ACO1: variants seen among roughly 807,000 people sequenced by gnomAD.
The protein encoded by ACO1 is aconitase 1.
In ACO1, 78 loss-of-function variants were observed where a neutral mutation model predicts 105.1. The observed-to-expected ratio is 0.74, with a 90% CI of 0.62 to 0.90. The LOEUF (loss-of-function observed/expected upper bound fraction) is 0.90, where lower values mean the gene tolerates loss of function less well. Among genes scored for constraint, ACO1 ranks in the 40% least tolerant of loss-of-function variants. ACO1 has a pLI of 0.00. For missense variants in ACO1, 965 were observed against 1,111.1 expected, an observed-to-expected ratio of 0.87 and a Z score of 1.87; for synonymous variants, 364 against 397.4, an observed-to-expected ratio of 0.92 and a Z score of 1.00.
At chr9:32,447,686 CTCCCCATCTTTG>C (rs1303593525) in intron 19 of ACO1, among the ~76,000 whole-genome samples, 1 of 152,206 alleles carries the variant, frequency 6.6e-6, no homozygotes. Context: ...GTGCTGGTTT[CTCCCCATCTTTG>C]TGGATTTATT....
intron 1 of ACO1, among the ~76,000 whole-genome samples, chr9:32,403,133 G>C (rs1306973888): frequency 3.3e-5 from 5 of 152,230 alleles, no homozygotes; most frequent in African/African-American, 1.2e-4. Context: ...GCTGCACCTA[G>C]AGAGGTGGTG....
chr9:32,431,868 G>A (rs760318750), intron 15 of ACO1, 25 bp downstream of exon 15: 20 of 1,612,546 alleles, frequency 1.2e-5, no homozygotes, highest in East Asian at 4.5e-5. Flanking sequence ...TGCCCTCCCC[G>A]CCCCAGAGGA....
rs1821961454 is a variant in ACO1 at position 32,420,985 on chromosome 9, T to A, written c.928T>A (p.Phe310Ile). 7 of 1,614,170 alleles carry A rather than the reference T, an allele frequency of 4.3e-6. No homozygotes were observed. The highest frequency in any genetic ancestry group is 5.9e-6 in the Non-Finnish European group (7 of 1,180,030). Reference protein sequence around the residue: ...CPEYGATAAFFPVDEVSITYL... With the variant: ...CPEYGATAAFIPVDEVSITYL... Reference sequence around the variant, plus strand: ...AGAGTACGGAGCAACTGCTGCCTTTTTCCCAGTTGATGAAGTTAGTATCAC... The same window carrying A: ...AGAGTACGGAGCAACTGCTGCCTTTATCCCAGTTGATGAAGTTAGTATCAC... The change falls in exon 8 of 21, where the codon TTC becomes ATC. Residue 310 changes from phenylalanine to isoleucine, a missense_variant. Coordinates refer to ENST00000309951, the MANE Select transcript of ACO1 (RefSeq NM_002197.3).
chr9:32,421,665 A>G (rs994112588), intron 8 of ACO1, among the ~76,000 whole-genome samples: 2 of 152,218 alleles, frequency 1.3e-5, no homozygotes, highest in African/African-American at 2.4e-5. Context: ...CCTGGCCAAC[A>G]TGGCGAAACT....
Position 32,405,598 on chromosome 9 carries a change from G to C in ACO1, c.92G>C (p.Arg31Thr), listed in dbSNP as rs779491463. The C allele has an allele frequency of 1.1e-5, 17 of 1,604,406 alleles. No individual in the cohort carries two copies. Among genetic ancestry groups the C allele is most frequent in the Non-Finnish European group, 1.2e-5 (14 of 1,172,086 alleles). ...FFNLNKLEDS[R>T]YGRLPFSIRV... Reference sequence around the variant, plus strand: ...AATTTGAATAAATTGGAGGATTCAAGATATGGTAGGTACATGGCTGTGATA... The same window carrying C: ...AATTTGAATAAATTGGAGGATTCAACATATGGTAGGTACATGGCTGTGATA... The change falls in exon 2 of 21, where the codon AGA (arginine) becomes ACA (threonine). Residue 31 changes from arginine to threonine, a missense_variant. Coordinates refer to ENST00000309951, the MANE Select transcript of ACO1 (RefSeq NM_002197.3).
At chr9:32,433,210 C>T (rs981390747) in intron 15 of ACO1, among the ~76,000 whole-genome samples, 4 of 152,096 alleles carry the variant, frequency 2.6e-5, no homozygotes, top group Non-Finnish European at 5.9e-5. Flanking sequence ...ATCCTAGAAG[C>T]TGCCTATCAC....
At position 32,403,236 on chromosome 9, in the gene ACO1, G is replaced by A. The variant is rs7031833; in HGVS notation, c.-22-2249G>A. Among the ~76,000 whole-genome samples, 289 of 152,228 alleles carry A rather than the reference G, an allele frequency of 1.9e-3. 2 individuals carry two copies. Among genetic ancestry groups the A allele is most frequent in the African/African-American group, 6.6e-3 (274 of 41,540 alleles). On this transcript the variant is annotated intron_variant, in intron 1 of 20. Coordinates refer to ENST00000309951, the MANE Select transcript of ACO1 (RefSeq NM_002197.3). ...AAGGTTTTTCATCCCTCTGAGCTGC[G>A]GTATGCTTATCTGTACAATGGAAAT...
intron 16 of ACO1, 28 bp downstream of exon 16, chr9:32,433,860 G>A (rs1469885292): frequency 6.6e-7 from 1 of 1,507,604 alleles, no homozygotes. Flanking sequence ...TTAACAAAAT[G>A]AATTCTTTGA....
intron 4 of ACO1, among the ~76,000 whole-genome samples, chr9:32,411,074 C>G (rs1393930904): frequency 6.6e-6 from 1 of 152,058 alleles, no homozygotes; most frequent in Non-Finnish European, 1.5e-5. Flanking sequence ...TAAGGACCAG[C>G]ACAGCATCAC....
Position 32,434,636 on chromosome 9 carries a change from C to T in ACO1, c.2034C>T (p.Asp678=), listed in dbSNP as rs1357659256. 2 of 1,614,100 alleles carry T rather than the reference C, an allele frequency of 1.2e-6. No homozygotes were observed. The highest frequency in any genetic ancestry group is 2.7e-5 in the African/African-American group (2 of 75,034). ...ATTTGGGAGATTCGGTAACAACTGA[C>T]CACATCTCCCCAGCTGGAAATATTG... is the stretch of plus-strand genomic sequence containing the variant. The part of the protein sequence containing the change: ...LLNLGDSVTT[D]HISPAGNIAR... The change falls in exon 17 of 21, where the codon GAC becomes GAT. Residue 678 remains aspartate (D), a synonymous_variant. Coordinates refer to ENST00000309951, the MANE Select transcript of ACO1 (RefSeq NM_002197.3).
At chr9:32,434,337 C>T (rs1822306593) in intron 16 of ACO1, among the ~76,000 whole-genome samples, 1 of 152,132 alleles carries the variant, frequency 6.6e-6, no homozygotes. Flanking sequence ...GGGGATATTG[C>T]CAGTATTTTA....
chr9:32,426,114 C>T (rs1007213058), intron 11 of ACO1, 117 bp downstream of exon 11: 2 of 1,034,386 alleles, frequency 1.9e-6, no homozygotes, highest in East Asian at 2.5e-5. Context: ...CTCGTCTTTT[C>T]CAGATACAGA....
chr9:32,394,766 T>G (rs976709290), intron 1 of ACO1, among the ~76,000 whole-genome samples: 3 of 152,252 alleles, frequency 2.0e-5, no homozygotes, highest in African/African-American at 7.2e-5. Flanking sequence ...CAGGTCCTCC[T>G]GACAGTTGCC....
At chr9:32,438,233 A>T (rs751338881) in intron 18 of ACO1, among the ~76,000 whole-genome samples, 14 of 152,236 alleles carry the variant, frequency 9.2e-5, no homozygotes, top group Non-Finnish European at 1.6e-4. Context: ...ATCTACACCC[A>T]TCAGACCATC....
chr9:32,414,183 C>T (rs1357209883), intron 4 of ACO1, among the ~76,000 whole-genome samples: 5 of 152,150 alleles, frequency 3.3e-5, no homozygotes, highest in Admixed American at 3.3e-4. Flanking sequence ...CATTTCTGAC[C>T]AGATTTCATT....
At chr9:32,423,762 G>T (rs1349964010) in intron 9 of ACO1, among the ~76,000 whole-genome samples, 1 of 152,156 alleles carries the variant, frequency 6.6e-6, no homozygotes, top group Non-Finnish European at 1.5e-5. Flanking sequence ...GGCAAAGGGT[G>T]GGAGGGAGGT....
rs914112350 is a variant in ACO1, at chr9:32,453,251, G to A, written c.*3140G>A. The A allele has an allele frequency of 3.3e-5, 5 of 151,300 alleles. No individual in the cohort carries two copies. The highest frequency in any genetic ancestry group is 9.7e-5 in the African/African-American group (4 of 41,148). 9.4% of individuals were successfully genotyped at this position (151,300 alleles called of 1,614,324 possible). A position where few individuals can be genotyped will look rare whatever the true frequency, so the allele number is the denominator to read the frequency against. ...TAAGGATGAGGGATGCCCTTCATGT[G>A]TATTTACACACCAGATTTTTATGGT... On this transcript the variant is annotated 3_prime_UTR_variant, in exon 21 of 21. Transcript: ENST00000309951.
rs764736367 is a variant in ACO1 at position 32,445,537 on chromosome 9, T to G, written c.2371-3359T>G. 9 of 255,872 alleles carry G rather than the reference T, an allele frequency of 3.5e-5. 1 individual carries two copies. The highest frequency in any genetic ancestry group is 3.1e-4 in the South Asian group (9 of 28,614). 15.9% of individuals were successfully genotyped at this position (255,872 alleles called of 1,614,324 possible). A position where few individuals can be genotyped will look rare whatever the true frequency, so the allele number is the denominator to read the frequency against. ...TATTAGTCTGGCTAGCAGTCTGTTT[T>G]GTTGATCTTTTCAAAAAACCAGCTC... On this transcript the variant is annotated intron_variant, in intron 19 of 20. Transcript: ENST00000309951.
In ACO1 at chr9:32,384,708, TCGC is replaced by T. The variant is rs1292257091; in HGVS notation, c.-49_-47del. On this transcript the variant is annotated 5_prime_UTR_variant, in exon 1 of 21. Transcript: ENST00000309951. The stretch of plus-strand genomic sequence containing the variant: ...CCGCTGCTTGGGTCAGGTTCGCCGG[TCGC>T]GGGAGCCCCGCCGTGCAGTCGGAGG... The T allele has an allele frequency of 4.8e-6, 2 of 413,918 alleles. No homozygotes were observed. The highest frequency in any genetic ancestry group is 4.3e-5 in the African/African-American group (2 of 46,104). The allele number at this position is 413,918 out of a possible 1,614,324, so 25.6% of individuals were successfully genotyped here. A position where few individuals can be genotyped will look rare whatever the true frequency, so the allele number is the denominator to read the frequency against.
Sources: gnomAD v4.1 joint callset for allele counts (sites outside exome capture counted in the v4.1 genomes callset) on GRCh38, gnomAD v4.1.1 for gene constraint, MANE v1.5 for transcripts, NCBI Gene and HGNC (gene_info 2026-07-23, HGNC 2026-07-21) for gene names.